Variants in PGLYRP2 observed in about 807,000 individuals in gnomAD.
PGLYRP2 encodes the protein N-acetylmuramoyl-L-alanine amidase.
In PGLYRP2, 38 loss-of-function variants were observed where a neutral mutation model predicts 46.2. That is an observed-to-expected ratio of 0.82 (90% CI 0.64 to 1.08). The LOEUF (loss-of-function observed/expected upper bound fraction) is 1.08, where lower values mean the gene tolerates loss of function less well. PGLYRP2 is among the 50% of genes least tolerant of loss of function. PGLYRP2 has a pLI of 0.00. For synonymous variants in PGLYRP2, 289 were observed against 329.4 expected (o/e 0.88, Z 1.33); for missense variants, 713 against 755.9 (o/e 0.94, Z 0.67).
rs1032638729 is a variant in PGLYRP2 at position 15,469,368 on chromosome 19, T to A, written c.1641+264A>T. On this transcript the variant is annotated intron_variant, in intron 4 of 4. Coordinates refer to ENST00000340880, the MANE Select transcript of PGLYRP2 (RefSeq NM_052890.4). The surrounding 1 kb of genome is among the most constrained non-coding windows in gnomAD (Gnocchi z 4.9). ...TGCCTTGGCTGGAAAGGTAGAGGTA[T>A]TAGGAGCTGGGGAAAGGACAGGCTG... 3 of 692,502 alleles carry A rather than the reference T, an allele frequency of 4.3e-6. No individual in the cohort carries two copies. Among genetic ancestry groups the A allele is most frequent in the Admixed American group, 4.1e-5 (2 of 48,942 alleles). 42.9% of individuals were successfully genotyped at this position (692,502 alleles called of 1,614,324 possible).
rs984986438 is a variant in PGLYRP2 at position 15,469,478 on chromosome 19, G to A, written c.1641+154C>T. ...CCCGCAGAGTGACCCGCAAAGGCTG[G>A]GCCTAGGTTTCCTGAATAGACGTGC... is the stretch of plus-strand genomic sequence containing the variant. On this transcript the variant is annotated intron_variant, in intron 4 of 4. Transcript: ENST00000340880. This position sits in a 1 kb window ranked among gnomAD's most constrained non-coding sequence, Gnocchi z 4.9. The A allele has an allele frequency of 1.9e-6, 2 of 1,055,168 alleles. No individual in the cohort carries two copies. The highest frequency in any genetic ancestry group is 2.8e-6 in the Non-Finnish European group (2 of 706,522). 65.4% of individuals were successfully genotyped at this position (1,055,168 alleles called of 1,614,324 possible). A position where few individuals can be genotyped will look rare whatever the true frequency, so the allele number is the denominator to read the frequency against.
At position 15,469,831 on chromosome 19, in the gene PGLYRP2, G is replaced by T; in HGVS notation, c.1442C>A (p.Ala481Asp). Reference protein sequence around the residue: ...LGHNSRGFGVAIVGNYTAALP... With the variant: ...LGHNSRGFGVDIVGNYTAALP... The stretch of plus-strand genomic sequence containing the variant: ...CGCCGCGGTGTAGTTGCCCACTATG[G>T]CCACGCCGAAGCCCCGGGAGTTGTG... The change falls in exon 4 of 5, where the codon GCC (alanine) becomes GAC (aspartate). Residue 481 changes from alanine to aspartate, a missense_variant. Physicochemically the swap from Ala to Asp is moderately radical, Grantham distance 126. Coordinates refer to ENST00000340880, the MANE Select transcript of PGLYRP2 (RefSeq NM_052890.4). This position sits in a 1 kb window ranked among gnomAD's most constrained non-coding sequence, Gnocchi z 4.9. 1 of 1,529,670 alleles carries T rather than the reference G, an allele frequency of 6.5e-7. No homozygotes were observed. The highest frequency in any genetic ancestry group is 1.2e-5 in the South Asian group (1 of 82,096). 94.8% of individuals were successfully genotyped at this position (1,529,670 alleles called of 1,614,324 possible).
chr19:15,478,298 G>T (rs927296302), intron 1 of PGLYRP2, among the ~76,000 whole-genome samples: 2 of 152,130 alleles, frequency 1.3e-5, no homozygotes, highest in African/African-American at 4.8e-5. Context: ...AGTGAGCTGA[G>T]ATCATGCTGC....
chr19:15,476,544 T>C lies in PGLYRP2; in HGVS notation c.126A>G (p.Pro42=). 2.5e-6 allele frequency: 4 copies of C among 1,613,674 alleles called. No homozygotes were observed. Among genetic ancestry groups the C allele is most frequent in the Non-Finnish European group, 3.4e-6 (4 of 1,179,830 alleles). Residue 42 remains proline (P), a synonymous_variant, in exon 2 of 5, where the codon CCA becomes CCG. Transcript: ENST00000340880. Reference sequence around the variant, plus strand: ...AAGCTGTGTGTCTGGTCTTGGCAGCTGGCACTTTCTGCTCCAGCTCAGCCA... The same window carrying C: ...AAGCTGTGTGTCTGGTCTTGGCAGCCGGCACTTTCTGCTCCAGCTCAGCCA... ...QALAELEQKV[P]AAKTRHTASA...
chr19:15,470,247 T>TC (rs1555722735), intron 3 of PGLYRP2, among the ~76,000 whole-genome samples: 8 of 95,078 alleles, frequency 8.4e-5, no homozygotes, highest in African/African-American at 3.6e-4. Flanking sequence ...TTTCTTTCCT[T>TC]CCTTCCTTCC....
At chr19:15,468,991 G>T (rs966645690) in intron 4 of PGLYRP2, 25 of 507,382 alleles carry the variant, frequency 4.9e-5, no homozygotes, top group Non-Finnish European at 8.8e-5. Flanking sequence ...TTTAGTGATG[G>T]CGATCAAGGG....
intron 2 of PGLYRP2, among the ~76,000 whole-genome samples, chr19:15,472,317 T>TGC (rs1160003780): frequency 4.6e-5 from 7 of 151,584 alleles, no homozygotes; most frequent in African/African-American, 1.7e-4. Context: ...GGGCCGGACG[T>TGC]AGTGGGTCTC....
In PGLYRP2 at chr19:15,476,370, A is replaced by G; in HGVS notation, c.300T>C (p.His100=). The G allele has an allele frequency of 6.2e-7, 1 of 1,614,048 alleles. No individual in the cohort carries two copies. The highest frequency in any genetic ancestry group is 8.5e-7 in the Non-Finnish European group (1 of 1,180,014). The change falls in exon 2 of 5, where the codon CAT becomes CAC. Residue 100 remains histidine, a synonymous_variant. Coordinates refer to ENST00000340880, the MANE Select transcript of PGLYRP2 (RefSeq NM_052890.4). The part of the protein sequence containing the change: ...LLGLTKEVAR[H]DVREGKEYGV... The stretch of plus-strand genomic sequence containing the variant: ...CATATTCCTTCCCTTCTCGTACGTC[A>G]TGTCGGGCCACCTCCTTGGTCAGGC...
At chr19:15,471,865 C>T in intron 3 of PGLYRP2, 25 bp downstream of exon 3, 2 of 1,606,894 alleles carry the variant, frequency 1.2e-6, no homozygotes, top group Non-Finnish European at 1.7e-6. Flanking sequence ...GGGCCCCGCC[C>T]CCTCCCCGGT....
At chr19:15,472,664 G>C (rs1458510239) in intron 2 of PGLYRP2, among the ~76,000 whole-genome samples, 1 of 149,718 alleles carries the variant, frequency 6.7e-6, no homozygotes, top group Non-Finnish European at 1.5e-5. Context: ...ACTTTGGGAG[G>C]CGAGGTGGGT....
chr19:15,471,841 C>T (rs1276115516), intron 3 of PGLYRP2, 49 bp downstream of exon 3: 1 of 1,587,102 alleles, frequency 6.3e-7, no homozygotes, highest in African/African-American at 1.3e-5. Flanking sequence ...CACTCAGACC[C>T]CATCCCCGAA....
intron 2 of PGLYRP2, among the ~76,000 whole-genome samples, chr19:15,473,153 C>G (rs1054918049): frequency 5.9e-5 from 9 of 152,038 alleles, no homozygotes; most frequent in Non-Finnish European, 1.3e-4. Context: ...TGAAACTGGA[C>G]CCCTAACTCT....
In PGLYRP2 at chr19:15,474,471, A is replaced by C. The variant is rs1970776821; in HGVS notation, c.1132+1067T>G. The stretch of plus-strand genomic sequence containing the variant: ...ATATTAAAAAGATACCTGCATTCAC[A>C]TGTTGATCAGGGCACTATTCACAAT... On this transcript the variant is annotated intron_variant, in intron 2 of 4. Coordinates refer to ENST00000340880, the MANE Select transcript of PGLYRP2 (RefSeq NM_052890.4). 2.0e-5 allele frequency among the ~76,000 whole-genome samples: 3 copies of C among 152,234 alleles called. No individual in the cohort carries two copies. The South Asian group carries it at 6.2e-4, about 31-fold the overall frequency.
In PGLYRP2 at chr19:15,469,930, C is replaced by T. The variant is rs746452774; in HGVS notation, c.1344-1G>A. On this transcript the variant is annotated splice_acceptor_variant, in intron 3 of 4. Transcript: ENST00000340880. LOFTEE classifies it high-confidence loss of function. This position sits in a 1 kb window ranked among gnomAD's most constrained non-coding sequence, Gnocchi z 4.9. ...GTAGCCGTCCGAGCCCACCACGAAACTGCAGAGGGGAGGGAGAAGCAAGCA... is the reference window on the plus strand; with the variant it reads ...GTAGCCGTCCGAGCCCACCACGAAATTGCAGAGGGGAGGGAGAAGCAAGCA... 1 of 1,422,132 alleles carries T rather than the reference C, an allele frequency of 7.0e-7. No homozygotes were observed. Among genetic ancestry groups the T allele is most frequent in the Non-Finnish European group, 9.2e-7 (1 of 1,092,264 alleles). The allele number at this position is 1,422,132 out of a possible 1,614,324, so 88.1% of individuals were successfully genotyped here. A position where few individuals can be genotyped will look rare whatever the true frequency, so the allele number is the denominator to read the frequency against.
chr19:15,474,639 C>T (rs1970777910), intron 2 of PGLYRP2, among the ~76,000 whole-genome samples: 1 of 151,942 alleles, frequency 6.6e-6, no homozygotes, highest in Non-Finnish European at 1.5e-5. Flanking sequence ...GGGTGATTGC[C>T]AGGAGGTTGT....
intron 2 of PGLYRP2, among the ~76,000 whole-genome samples, chr19:15,474,542 G>T (rs1056986710): frequency 6.6e-6 from 1 of 152,048 alleles, no homozygotes; most frequent in Admixed American, 6.6e-5. Flanking sequence ...AAGAGAATTG[G>T]ATAAAGAAAA....
chr19:15,475,619 G>C lies in PGLYRP2; in HGVS notation c.1051C>G (p.Leu351Val). The stretch of plus-strand genomic sequence containing the variant: ...TCTTGGCTCATGCACTGAAGCTGGA[G>C]GTGTACTGGCTCCAGCCTCTGTAGA... ...VLLQRLEPVH[L>V]QLQCMSQEQL... Residue 351 changes from leucine to valine, a missense_variant, in exon 2 of 5, where the codon CTC becomes GTC. Physicochemically the swap from Leu to Val is conservative, Grantham distance 32. Transcript: ENST00000340880. The C allele has an allele frequency of 1.2e-6, 2 of 1,614,174 alleles. No homozygotes were observed. The highest frequency in any genetic ancestry group is 1.7e-6 in the Non-Finnish European group (2 of 1,180,022).
chr19:15,477,297 A>G (rs1421525495), intron 1 of PGLYRP2, among the ~76,000 whole-genome samples: 3 of 150,536 alleles, frequency 2.0e-5, no homozygotes, highest in Admixed American at 6.7e-5. Flanking sequence ...GGAGGCTGAG[A>G]CGGGAGAATC....
At chr19:15,475,019 A>G (rs891255974) in intron 2 of PGLYRP2, among the ~76,000 whole-genome samples, 3 of 152,082 alleles carry the variant, frequency 2.0e-5, no homozygotes, top group African/African-American at 7.2e-5. Flanking sequence ...TTGCAGCAAC[A>G]TGGATGGAAC....
Sources: gnomAD v4.1 joint callset for allele counts (sites outside exome capture counted in the v4.1 genomes callset) on GRCh38, gnomAD v4.1.1 for gene constraint, Gnocchi (gnomAD v3.1) non-coding constraint, MANE v1.5 for transcripts, NCBI Gene and HGNC (gene_info 2026-07-23, HGNC 2026-07-21) for gene names.